The following GATA3 variants were observed in gnomAD, a reference collection of about 807,000 sequenced individuals.
GATA3 encodes GATA binding protein 3.
Under a neutral mutation model 36.0 loss-of-function variants are expected in GATA3, and 6 were observed. The observed-to-expected ratio is 0.17, with a 90% CI of 0.09 to 0.33. The LOEUF is 0.33. GATA3 is among the 10% of genes least tolerant of loss of function. GATA3 has a pLI of 1.00. For missense variants in GATA3, 514 were observed against 610.1 expected, an observed-to-expected ratio of 0.84 and a Z score of 1.66; for synonymous variants, 326 against 273.0, an observed-to-expected ratio of 1.19 and a Z score of -1.92.
chr10:8,051,858 C>A (rs903075194), upstream of GATA3, among the ~76,000 whole-genome samples: 4 of 152,118 alleles, frequency 2.6e-5, no homozygotes, highest in African/African-American at 9.7e-5. Context: ...CGCAGCCCGG[C>A]TCTCCGCCTC....
rs1002397415 is a variant in GATA3, at chr10:8,074,820, C to T, written c.*797C>T. On this transcript the variant is annotated 3_prime_UTR_variant, in exon 6 of 6. Coordinates refer to ENST00000379328, the MANE Select transcript of GATA3 (RefSeq NM_001002295.2). ...GCTAGTCTTAAGAACTGCTTTCTTT[C>T]GTTTGTTTGTTTCAATATTTTCCTT... The T allele has an allele frequency of 8.6e-6, 2 of 233,696 alleles. No homozygotes were observed. Among genetic ancestry groups the T allele is most frequent in the East Asian group, 6.0e-5 (1 of 16,586 alleles). The allele number at this position is 233,696 out of a possible 1,614,324, so 14.5% of individuals were successfully genotyped here.
At chr10:8,069,367 A>G in intron 4 of GATA3, 106 bp from the exon 5 acceptor site, 1 of 1,182,630 alleles carries the variant, frequency 8.5e-7, no homozygotes, top group Non-Finnish European at 1.2e-6. Flanking sequence ...GATTTCAATG[A>G]TAATTTCTTC....
intron 1 of GATA3, among the ~76,000 whole-genome samples, chr10:8,047,370 G>A (rs893242155): frequency 5.3e-5 from 8 of 152,186 alleles, no homozygotes; most frequent in African/African-American, 1.9e-4. Context: ...TCTAGCATTC[G>A]GTTATTTTTA....
At chr10:8,068,216 C>T (rs1022075271) in intron 4 of GATA3, among the ~76,000 whole-genome samples, 1 of 152,084 alleles carries the variant, frequency 6.6e-6, no homozygotes, top group South Asian at 2.1e-4. Flanking sequence ...GTAACACAAC[C>T]AAGGAATCAA....
At chr10:8,063,858 G>T in intron 3 of GATA3, 135 bp from the exon 4 acceptor site, 4 of 1,166,622 alleles carry the variant, frequency 3.4e-6, no homozygotes, top group Admixed American at 1.9e-5. Flanking sequence ...AGAGGTGGGG[G>T]TGGACACGCT....
At chr10:8,050,745 G>C, upstream of GATA3, 1 of 279,652 alleles carries the variant, frequency 3.6e-6, no homozygotes, top group Non-Finnish European at 7.4e-6. Flanking sequence ...TTGCTGCCTC[G>C]CTGGAAATCC....
At position 8,046,243 on chromosome 10, in the gene GATA3, T is replaced by C. The variant is rs1358638092; in HGVS notation, c.-370+728T>C. 2.6e-5 allele frequency among the ~76,000 whole-genome samples: 4 copies of C among 152,196 alleles called. No homozygotes were observed. The East Asian group carries it at 7.7e-4, about 29-fold the overall frequency. On this transcript the variant is annotated intron_variant, in intron 1 of 1. Coordinates refer to the GATA3 transcript ENST00000643001. ...GAGGCAGTTCCCCCCTGAAGACAGA[T>C]ATTGTTAAAATGTCAAGGAAGTGGA...
chr10:8,069,786 G>T (rs1297732698), intron 5 of GATA3, among the ~76,000 whole-genome samples, 188 bp downstream of exon 5: 1 of 152,094 alleles, frequency 6.6e-6, no homozygotes, highest in Non-Finnish European at 1.5e-5. Context: ...GGCCGAGGGG[G>T]CTCACAGCCT....
upstream of GATA3, chr10:8,050,759 G>A (rs1832464501): frequency 3.4e-6 from 1 of 298,092 alleles, no homozygotes; most frequent in Non-Finnish European, 7.0e-6. Context: ...GAAATCCGAC[G>A]ATTTCGCGCG....
chr10:8,057,014 T>G (rs756467136), intron 2 of GATA3, among the ~76,000 whole-genome samples: 4 of 152,206 alleles, frequency 2.6e-5, no homozygotes, highest in Non-Finnish European at 4.4e-5. Flanking sequence ...TCCTCTACCC[T>G]GCTGTCGCCA....
At chr10:8,058,034 C>T (rs534701984) in intron 2 of GATA3, among the ~76,000 whole-genome samples, 10 of 152,326 alleles carry the variant, frequency 6.6e-5, no homozygotes, top group South Asian at 2.1e-4. Flanking sequence ...GCAGCAACCT[C>T]TCGGGTGTCA....
chr10:8,071,306 G>A (rs1199256690), intron 5 of GATA3, among the ~76,000 whole-genome samples: 1 of 152,176 alleles, frequency 6.6e-6, no homozygotes, highest in Non-Finnish European at 1.5e-5. Flanking sequence ...TCAGAACTAA[G>A]AGGAGAACCA....
chr10:8,065,252 CTTTTTT>C (rs34193161), intron 4 of GATA3, among the ~76,000 whole-genome samples: 4 of 92,096 alleles, frequency 4.3e-5, no homozygotes, highest in African/African-American at 1.9e-4. Flanking sequence ...GAAAAACTTT[CTTTTTT>C]TTTTTTTTTT....
Position 8,073,825 on chromosome 10 carries a change from G to T in GATA3, c.1137G>T (p.Val379=). 2 of 1,614,102 alleles carry T rather than the reference G, an allele frequency of 1.2e-6. No homozygotes were observed. Among genetic ancestry groups the T allele is most frequent in the African/African-American group, 1.3e-5 (1 of 75,006 alleles). ...MSSKSKKCKK[V]HDSLEDFPKN... ...GCAAATCCAAAAAGTGCAAAAAAGT[G>T]CATGACTCACTGGAGGACTTCCCCA... is the stretch of plus-strand genomic sequence containing the variant. The change falls in exon 6 of 6, where the codon GTG becomes GTT. Residue 379 remains valine (V), a synonymous_variant. Transcript: ENST00000379328.
Position 8,069,553 on chromosome 10 carries a change from G to C in GATA3, c.1005G>C (p.Gly335=), listed in dbSNP as rs1178271110. Reference sequence around the variant, plus strand: ...CACTCTGGAGGAGGAATGCCAATGGGGACCCTGTCTGCAATGCCTGTGGGC... The same window carrying C: ...CACTCTGGAGGAGGAATGCCAATGGCGACCCTGTCTGCAATGCCTGTGGGC... The part of the protein sequence containing the change: ...TTTLWRRNAN[G]DPVCNACGLY... Residue 335 remains glycine (G), a synonymous_variant, in exon 5 of 6, where the codon GGG becomes GGC. Coordinates refer to ENST00000379328, the MANE Select transcript of GATA3 (RefSeq NM_001002295.2). 6.2e-7 allele frequency: 1 copy of C among 1,614,026 alleles called. No homozygotes were observed. Among genetic ancestry groups the C allele is most frequent in the Admixed American group, 1.7e-5 (1 of 60,008 alleles).
chr10:8,062,885 G>C (rs1832773605), intron 3 of GATA3, among the ~76,000 whole-genome samples: 1 of 152,080 alleles, frequency 6.6e-6, no homozygotes, highest in African/African-American at 2.4e-5. Flanking sequence ...CAAAACCAAG[G>C]AGATTCTCCT....
intron 1 of GATA3, among the ~76,000 whole-genome samples, chr10:8,045,995 T>C (rs1832382256): frequency 6.6e-6 from 1 of 152,210 alleles, no homozygotes; most frequent in Non-Finnish European, 1.5e-5. Flanking sequence ...AGCTCTGCTC[T>C]GTAAGATAAA....
At chr10:8,062,436 C>A (rs1225976968) in intron 3 of GATA3, among the ~76,000 whole-genome samples, 2 of 151,572 alleles carry the variant, frequency 1.3e-5, no homozygotes, top group African/African-American at 4.9e-5. Context: ...GGGTGCAAGA[C>A]CCTCTTCCAT....
chr10:8,062,350 C>G (rs1487411001), intron 3 of GATA3, among the ~76,000 whole-genome samples: 3 of 143,850 alleles, frequency 2.1e-5, no homozygotes, highest in Non-Finnish European at 3.0e-5. Flanking sequence ...AAAAACCTCT[C>G]TTACATCCTC....
Sources: allele counts gnomAD v4.1 joint callset (sites outside exome capture counted in the v4.1 genomes callset), GRCh38; gene constraint gnomAD v4.1.1; transcripts MANE v1.5; gene names NCBI Gene and HGNC (gene_info 2026-07-23, HGNC 2026-07-21).